Variants in CACNA2D3 observed in about 807,000 individuals in gnomAD.
CACNA2D3 encodes the protein voltage-dependent calcium channel subunit alpha-2/delta-3.
A neutral mutation model predicts 160.6 loss-of-function variants in CACNA2D3; 60 were observed. The observed-to-expected ratio is 0.37, with a 90% CI of 0.30 to 0.46. The LOEUF (loss-of-function observed/expected upper bound fraction) is 0.46, where lower values mean the gene tolerates loss of function less well. Among genes scored for constraint, CACNA2D3 ranks in the 20% least tolerant of loss-of-function variants. CACNA2D3 has a pLI of 1.00. For missense variants in CACNA2D3, 1,205 were observed against 1,365.0 expected, an observed-to-expected ratio of 0.88 and a Z score of 1.85; for synonymous variants, 558 against 492.9, an observed-to-expected ratio of 1.13 and a Z score of -1.75.
At chr3:54,138,978 A>G (rs1699870344) in intron 2 of CACNA2D3, among the ~76,000 whole-genome samples, 1 of 152,198 alleles carries the variant, frequency 6.6e-6, no homozygotes, top group Non-Finnish European at 1.5e-5. Flanking sequence ...CCAGAGAGAC[A>G]CTGGGCTGGA....
chr3:55,074,075 G>A, intron 37 of CACNA2D3, 39 bp from the exon 38 acceptor site: 1 of 1,531,554 alleles, frequency 6.5e-7, no homozygotes, highest in Non-Finnish European at 9.1e-7. Flanking sequence ...GTGTCCTGGA[G>A]TCTATTTCCG....
At chr3:54,282,698 G>T (rs753938903) in intron 2 of CACNA2D3, among the ~76,000 whole-genome samples, 9 of 152,234 alleles carry the variant, frequency 5.9e-5, no homozygotes, top group Non-Finnish European at 1.3e-4. Context: ...AGTGTAGTGA[G>T]AAGACATTAA....
intron 9 of CACNA2D3, among the ~76,000 whole-genome samples, chr3:54,612,277 C>T (rs1019807394): frequency 2.0e-5 from 3 of 152,168 alleles, no homozygotes; most frequent in African/African-American, 4.8e-5. Flanking sequence ...TTGATCTGGG[C>T]CGGTTTCAGG....
rs559303406 is a variant in CACNA2D3, at chr3:54,509,125, T to C, written c.544+5471T>C. ...TCCCCTTAATTACATGTGTATATTT[T>C]AAGGAAAATTTAATCCATATGTTTC... On this transcript the variant is annotated intron_variant, in intron 5 of 37. Transcript: ENST00000474759. Among the ~76,000 whole-genome samples the C allele has an allele frequency of 3.9e-5, 6 of 152,372 alleles. No homozygotes were observed. The South Asian group carries it at 1.2e-3, about 32-fold the overall frequency.
At chr3:54,689,182 G>A (rs776475276) in intron 11 of CACNA2D3, among the ~76,000 whole-genome samples, 3 of 151,872 alleles carry the variant, frequency 2.0e-5, no homozygotes, top group Non-Finnish European at 2.9e-5. Context: ...TAACACAGTC[G>A]ATCTCGCCCT....
chr3:54,880,595 G>A (rs1575527594), intron 20 of CACNA2D3, among the ~76,000 whole-genome samples: 1 of 152,314 alleles, frequency 6.6e-6, no homozygotes, highest in South Asian at 2.1e-4. Flanking sequence ...CTGATCAGAA[G>A]TTACTTTGAA....
chr3:54,332,661 A>G (rs1451216665), intron 3 of CACNA2D3, among the ~76,000 whole-genome samples: 1 of 152,158 alleles, frequency 6.6e-6, no homozygotes, highest in African/African-American at 2.4e-5. Context: ...CTGTCATTTC[A>G]AAGAGGAGAA....
At chr3:54,263,146 C>G (rs1702435568) in intron 2 of CACNA2D3, among the ~76,000 whole-genome samples, 1 of 152,172 alleles carries the variant, frequency 6.6e-6, no homozygotes, top group South Asian at 2.1e-4. Flanking sequence ...TATTGTGCAA[C>G]TTGCTTATTT....
chr3:54,145,646 G>T (rs1441900798), intron 2 of CACNA2D3, among the ~76,000 whole-genome samples: 1 of 152,182 alleles, frequency 6.6e-6, no homozygotes, highest in Non-Finnish European at 1.5e-5. Flanking sequence ...TCTGCCCTGT[G>T]CCTGTCTTTA....
chr3:54,946,509 G>A (rs1701618636), intron 27 of CACNA2D3, among the ~76,000 whole-genome samples: 1 of 152,168 alleles, frequency 6.6e-6, no homozygotes, highest in Non-Finnish European at 1.5e-5. Flanking sequence ...AGGGCCGTTA[G>A]CAGCAGGAAA....
At chr3:54,434,463 C>A (rs9876334) in intron 4 of CACNA2D3, among the ~76,000 whole-genome samples, 3,746 of 152,292 alleles carry the variant, frequency 0.025, 66 homozygotes, top group South Asian at 0.056. Context: ...TCAGTGGGAC[C>A]CATCTGGCAT....
chr3:54,440,792 C>T (rs968718036), intron 4 of CACNA2D3, among the ~76,000 whole-genome samples: 3 of 152,082 alleles, frequency 2.0e-5, no homozygotes, highest in Non-Finnish European at 2.9e-5. Context: ...CAGCTTCATC[C>T]ATGTCCCTAC....
intron 9 of CACNA2D3, among the ~76,000 whole-genome samples, chr3:54,585,542 G>C (rs1422065711): frequency 6.6e-6 from 1 of 152,084 alleles, no homozygotes; most frequent in African/African-American, 2.4e-5. Context: ...CCTGAGACTG[G>C]GTAATTTATA....
At chr3:54,883,835 T>TCTCTCTC in intron 21 of CACNA2D3, among the ~76,000 whole-genome samples, 1 of 148,024 alleles carries the variant, frequency 6.8e-6, no homozygotes, top group Admixed American at 6.8e-5. Flanking sequence ...TCTCTCTCCC[T>TCTCTCTC]TCAACCCTCC....
At chr3:54,808,330 T>A (rs1432418375) in intron 13 of CACNA2D3, among the ~76,000 whole-genome samples, 2 of 152,266 alleles carry the variant, frequency 1.3e-5, no homozygotes, top group Admixed American at 1.3e-4. Flanking sequence ...GAAGACACCA[T>A]GGGTGCTGAG....
At chr3:54,662,597 C>T (rs890159815) in intron 11 of CACNA2D3, among the ~76,000 whole-genome samples, 1 of 152,174 alleles carries the variant, frequency 6.6e-6, no homozygotes, top group Non-Finnish European at 1.5e-5. Context: ...CATATCCAAG[C>T]CCCTGCCTCC....
chr3:54,572,123 G>A (rs972137803), intron 8 of CACNA2D3, among the ~76,000 whole-genome samples: 17 of 138,076 alleles, frequency 1.2e-4, no homozygotes, highest in African/African-American at 4.2e-4. Flanking sequence ...GAGGGCCTGG[G>A]CCTCTAAGTG....
intron 11 of CACNA2D3, among the ~76,000 whole-genome samples, chr3:54,738,242 A>G (rs1245658189): frequency 1.3e-5 from 2 of 152,202 alleles, no homozygotes; most frequent in African/African-American, 4.8e-5. Flanking sequence ...GTGAGTTTCC[A>G]AGTGGCAGAT....
chr3:54,291,585 A>G (rs1262498175), intron 2 of CACNA2D3, among the ~76,000 whole-genome samples: 1 of 152,180 alleles, frequency 6.6e-6, no homozygotes, highest in Non-Finnish European at 1.5e-5. Context: ...GGACTAGGAA[A>G]AAGTGTGCCT....
Sources: gnomAD v4.1 joint callset for allele counts (sites outside exome capture counted in the v4.1 genomes callset) on GRCh38, gnomAD v4.1.1 for gene constraint, MANE v1.5 for transcripts, NCBI Gene and HGNC (gene_info 2026-07-23, HGNC 2026-07-21) for gene names.